Variants in DCDC1 observed in about 807,000 individuals in gnomAD.
DCDC1 encodes the protein doublecortin domain containing 1.
DCDC1 carries 200 observed loss-of-function variants against 178.3 expected under a neutral mutation model. The observed-to-expected ratio is 1.12, with a 90% confidence interval of 1.00 to 1.26. The LOEUF is 1.26. DCDC1 is among the 50% of genes most tolerant of loss of function. The probability of loss-of-function intolerance (pLI) is 0.00; values close to 1 mark genes in which losing one functional copy is unlikely to be tolerated. For missense variants in DCDC1, 1,983 were observed against 1,749.2 expected, an observed-to-expected ratio of 1.13 and a Z score of -2.38; for synonymous variants, 690 against 604.8, an observed-to-expected ratio of 1.14 and a Z score of -2.07.
At chr11:30,867,332 C>A (rs1241505162) in intron 38 of DCDC1, among the ~76,000 whole-genome samples, 1 of 152,190 alleles carries the variant, frequency 6.6e-6, no homozygotes, top group Non-Finnish European at 1.5e-5. Context: ...GTGCCTTTAG[C>A]AAAGATATTT....
At chr11:31,245,985 A>T (rs899908090) in intron 8 of DCDC1, among the ~76,000 whole-genome samples, 1 of 151,872 alleles carries the variant, frequency 6.6e-6, no homozygotes, top group African/African-American at 2.4e-5. Flanking sequence ...CCACAAAGCT[A>T]ATCAAATTTG....
At chr11:30,989,053 T>A (rs1306819105) in intron 20 of DCDC1, among the ~76,000 whole-genome samples, 1 of 152,040 alleles carries the variant, frequency 6.6e-6, no homozygotes, top group East Asian at 1.9e-4. Flanking sequence ...GATGAGATCA[T>A]CCAGGAAGTG....
intron 8 of DCDC1, among the ~76,000 whole-genome samples, chr11:31,263,868 A>C (rs1944963486): frequency 6.6e-6 from 1 of 152,230 alleles, no homozygotes; most frequent in African/African-American, 2.4e-5. Context: ...ATGGAGTTAA[A>C]GTTTGGATGA....
At chr11:31,345,015 C>T (rs1200804582) in intron 1 of DCDC1, among the ~76,000 whole-genome samples, 2 of 152,008 alleles carry the variant, frequency 1.3e-5, no homozygotes, top group Admixed American at 6.6e-5. Flanking sequence ...CATAAATTTT[C>T]TTATGTTTGA....
intron 16 of DCDC1, among the ~76,000 whole-genome samples, chr11:31,093,088 A>C (rs1446403479): frequency 6.6e-6 from 1 of 152,220 alleles, no homozygotes; most frequent in Non-Finnish European, 1.5e-5. Flanking sequence ...ATTATTATTA[A>C]ATCAGAAACA....
intron 36 of DCDC1, among the ~76,000 whole-genome samples, chr11:30,888,104 AAGAAAG>A (rs1159380713): frequency 0.041 from 4,161 of 101,644 alleles, 78 homozygotes; most frequent in Non-Finnish European, 0.047. Context: ...AAGAAAAAGA[AAGAAAG>A]AAAGAAAGAA....
At chr11:31,084,633 G>A (rs1289820429) in intron 17 of DCDC1, among the ~76,000 whole-genome samples, 1 of 152,120 alleles carries the variant, frequency 6.6e-6, no homozygotes, top group African/African-American at 2.4e-5. Flanking sequence ...CAATTAGGAT[G>A]ATATGCCTTT....
intron 10 of DCDC1, 101 bp from the exon 11 acceptor site, chr11:31,127,740 C>A: frequency 1.6e-6 from 1 of 629,696 alleles, no homozygotes; most frequent in Middle Eastern, 2.7e-4. Flanking sequence ...AAAATGACTT[C>A]AATACAGGAA....
At chr11:31,309,547 C>A (rs1948648469) in intron 3 of DCDC1, among the ~76,000 whole-genome samples, 1 of 152,032 alleles carries the variant, frequency 6.6e-6, no homozygotes, top group Non-Finnish European at 1.5e-5. Flanking sequence ...GGGGGAAGAC[C>A]AGTAAACAGC....
At chr11:31,226,916 G>A (rs1975043605) in intron 9 of DCDC1, among the ~76,000 whole-genome samples, 1 of 151,616 alleles carries the variant, frequency 6.6e-6, no homozygotes, top group South Asian at 2.1e-4. Flanking sequence ...AGATTTTCTG[G>A]GGAAAATAAC....
chr11:31,285,209 A>G lies in DCDC1; in HGVS notation c.960+5438T>C, dbSNP rs534129124. On this transcript the variant is annotated intron_variant, in intron 7 of 38. Transcript: ENST00000684477. ...TGGCTATTCATAGAATCTTAAGAAT[A>G]AACCATATTATCAAATTCCATATTT... Among the ~76,000 whole-genome samples the G allele has an allele frequency of 1.4e-4, 21 of 152,224 alleles. No homozygotes were observed. The East Asian group carries it at 3.9e-3, about 28-fold the overall frequency.
At chr11:31,008,099 G>T (rs1212855211) in intron 20 of DCDC1, among the ~76,000 whole-genome samples, 3 of 152,172 alleles carry the variant, frequency 2.0e-5, no homozygotes, top group African/African-American at 7.2e-5. Flanking sequence ...ATGGTTAAAA[G>T]CAAAGCAACA....
At chr11:31,330,998 A>T (rs1399638235) in intron 2 of DCDC1, among the ~76,000 whole-genome samples, 1 of 152,190 alleles carries the variant, frequency 6.6e-6, no homozygotes, top group Non-Finnish European at 1.5e-5. Flanking sequence ...GGTCATTTTC[A>T]CGATATTGAT....
intron 20 of DCDC1, among the ~76,000 whole-genome samples, chr11:31,049,888 G>C (rs954196201): frequency 6.6e-6 from 1 of 152,140 alleles, no homozygotes. Context: ...TTCCTGCCTG[G>C]CACCACAGGG....
At chr11:30,954,899 C>T (rs568044280) in intron 20 of DCDC1, among the ~76,000 whole-genome samples, 3 of 152,214 alleles carry the variant, frequency 2.0e-5, no homozygotes, top group Admixed American at 6.5e-5. Context: ...TGTCTTGTTT[C>T]GTGGAGTGTT....
At chr11:31,027,262 G>T (rs1030019738) in intron 20 of DCDC1, among the ~76,000 whole-genome samples, 2 of 151,782 alleles carry the variant, frequency 1.3e-5, no homozygotes, top group Admixed American at 1.3e-4. Context: ...TTTCCTTATA[G>T]TCAAATGATA....
chr11:31,077,327 C>T (rs1034111491), intron 18 of DCDC1, among the ~76,000 whole-genome samples: 2 of 152,242 alleles, frequency 1.3e-5, no homozygotes, highest in East Asian at 1.9e-4. Flanking sequence ...GCCAACCCTG[C>T]CATATAGTAT....
intron 6 of DCDC1, among the ~76,000 whole-genome samples, chr11:31,304,441 A>T (rs1286790348): frequency 6.6e-6 from 1 of 152,100 alleles, no homozygotes; most frequent in Non-Finnish European, 1.5e-5. Context: ...TTTTAAACTT[A>T]AAGCAAAATG....
At chr11:31,133,677 T>C (rs1176919253) in intron 10 of DCDC1, among the ~76,000 whole-genome samples, 2 of 152,180 alleles carry the variant, frequency 1.3e-5, no homozygotes, top group African/African-American at 4.8e-5. Context: ...CTTCAAATAC[T>C]ACCAAATTTT....
Sources: gnomAD v4.1 joint callset for allele counts (sites outside exome capture counted in the v4.1 genomes callset) on GRCh38, gnomAD v4.1.1 for gene constraint, MANE v1.5 for transcripts, NCBI Gene and HGNC (gene_info 2026-07-23, HGNC 2026-07-21) for gene names.